The following GRK5 variants were observed in gnomAD, a reference collection of about 807,000 sequenced individuals.
GRK5 encodes g protein-coupled receptor kinase GRK5.
Under a neutral mutation model 78.4 loss-of-function variants are expected in GRK5, and 40 were observed. The ratio of observed to expected loss-of-function variants is 0.51; its 90% CI spans 0.40 to 0.66. The LOEUF (loss-of-function observed/expected upper bound fraction) is 0.66, where lower values mean the gene tolerates loss of function less well. GRK5 is among the 30% of genes least tolerant of loss of function. The pLI is 0.00. For missense variants in GRK5, 598 were observed against 759.9 expected (o/e 0.79, Z 2.50); for synonymous variants, 289 against 296.8 (o/e 0.97, Z 0.27).
At chr10:119,358,971 C>A (rs1467902778) in intron 2 of GRK5, among the ~76,000 whole-genome samples, 1 of 152,208 alleles carries the variant, frequency 6.6e-6, no homozygotes, top group Admixed American at 6.5e-5. Context: ...TAGGGCCCCA[C>A]CCTGAAGAAT....
rs1279637773 is a variant in GRK5, at chr10:119,340,241, C to T, written c.148+13630C>T. On this transcript the variant is annotated intron_variant, in intron 2 of 15. Coordinates refer to ENST00000392870, the MANE Select transcript of GRK5 (RefSeq NM_005308.3). ...TCCTGGGTTCAAATGATTCTCATGC[C>T]TCAGCCTCCCAAGTAGCTGGGATTA... Among the ~76,000 whole-genome samples the T allele has an allele frequency of 3.3e-5, 5 of 152,064 alleles. No homozygotes were observed. In the East Asian group the frequency reaches 9.7e-4, roughly 29 times the overall value.
intron 1 of GRK5, among the ~76,000 whole-genome samples, chr10:119,247,859 A>C (rs939217642): frequency 2.6e-5 from 4 of 152,148 alleles, no homozygotes; most frequent in Non-Finnish European, 4.4e-5. Context: ...TTCAAATTAT[A>C]GGGGCACATA....
At chr10:119,319,332 C>T (rs1850545525) in intron 1 of GRK5, among the ~76,000 whole-genome samples, 1 of 152,246 alleles carries the variant, frequency 6.6e-6, no homozygotes, top group Admixed American at 6.5e-5. Flanking sequence ...TCAGGGGACA[C>T]GCCATCTTGC....
rs755216316 is a variant in GRK5 at position 119,455,162 on chromosome 10, A to G, written c.*95A>G. 7.0e-6 allele frequency: 7 copies of G among 1,006,346 alleles called. No homozygotes were observed. The African/African-American group carries it at 9.5e-5, about 14-fold the overall frequency. 62.3% of individuals were successfully genotyped at this position (1,006,346 alleles called of 1,614,324 possible). On this transcript the variant is annotated 3_prime_UTR_variant, in exon 16 of 16. Transcript: ENST00000392870. ...GAGCCCCTGCTCTGGTGGGGCTGCCAGGGGAGACCCCGGGAGCCGGGGAAG... is the reference window on the plus strand; with the variant it reads ...GAGCCCCTGCTCTGGTGGGGCTGCCGGGGGAGACCCCGGGAGCCGGGGAAG...
chr10:119,401,642 G>A (rs1470922032), intron 4 of GRK5, among the ~76,000 whole-genome samples: 1 of 152,226 alleles, frequency 6.6e-6, no homozygotes, highest in African/African-American at 2.4e-5. Flanking sequence ...AGCAAGTACT[G>A]AGCATGGTAG....
Position 119,358,534 on chromosome 10 carries a change from T to C in GRK5, c.149-22281T>C, listed in dbSNP as rs1402135053. On this transcript the variant is annotated intron_variant, in intron 2 of 15. Transcript: ENST00000392870. ...GAGGCGTGCATGGTGCATTTCCATC[T>C]CCCAAATCATGGTCCTGTCTGTGCC... Among the ~76,000 whole-genome samples the C allele has an allele frequency of 2.0e-5, 3 of 152,172 alleles. No homozygotes were observed. The East Asian group carries it at 5.8e-4, about 29-fold the overall frequency.
intron 1 of GRK5, among the ~76,000 whole-genome samples, chr10:119,231,733 C>G (rs1316980325): frequency 6.8e-6 from 1 of 147,382 alleles, no homozygotes; most frequent in Non-Finnish European, 1.5e-5. Context: ...AGAAAAAAAA[C>G]TCAACATCAC....
intron 3 of GRK5, among the ~76,000 whole-genome samples, chr10:119,381,912 T>G (rs1479125934): frequency 6.6e-6 from 1 of 152,218 alleles, no homozygotes; most frequent in Non-Finnish European, 1.5e-5. Flanking sequence ...TGTGCATCTC[T>G]AGACCCACAA....
chr10:119,333,617 G>T (rs1850822348), intron 2 of GRK5: 2 of 377,592 alleles, frequency 5.3e-6, no homozygotes, highest in Non-Finnish European at 1.1e-5. Context: ...GTGTGGGCAG[G>T]GCCCCAGCCA....
intron 1 of GRK5, among the ~76,000 whole-genome samples, chr10:119,311,228 G>C (rs555702113): frequency 6.6e-6 from 1 of 152,294 alleles, no homozygotes; most frequent in Admixed American, 6.5e-5. Flanking sequence ...GAGATTGATG[G>C]AGCTTTTGCT....
intron 1 of GRK5, among the ~76,000 whole-genome samples, chr10:119,259,205 T>C (rs1432537263): frequency 2.6e-5 from 4 of 151,828 alleles, no homozygotes; most frequent in East Asian, 3.9e-4. Flanking sequence ...GCTGGGACTA[T>C]AGGCGCCCAC....
chr10:119,291,456 C>G (rs186201578), intron 1 of GRK5, among the ~76,000 whole-genome samples: 1 of 151,978 alleles, frequency 6.6e-6, no homozygotes, highest in East Asian at 1.9e-4. Context: ...CTGCCTCGGG[C>G]GCTGGTGGGT....
At chr10:119,286,847 C>T (rs1461063251) in intron 1 of GRK5, among the ~76,000 whole-genome samples, 1 of 152,148 alleles carries the variant, frequency 6.6e-6, no homozygotes, top group Non-Finnish European at 1.5e-5. Flanking sequence ...GGATCAAAGG[C>T]TCAGTGTGTA....
At chr10:119,273,590 C>T (rs1478079438) in intron 1 of GRK5, among the ~76,000 whole-genome samples, 1 of 152,198 alleles carries the variant, frequency 6.6e-6, no homozygotes, top group Non-Finnish European at 1.5e-5. Flanking sequence ...TGTGGATGGG[C>T]CGCGGCTTTG....
intron 1 of GRK5, among the ~76,000 whole-genome samples, chr10:119,292,343 C>G (rs61874516): frequency 0.12 from 18,658 of 151,812 alleles, 1,251 homozygotes; most frequent in African/African-American, 0.18. Flanking sequence ...TCCTCATCCT[C>G]CTTTCTTCCT....
intron 2 of GRK5, among the ~76,000 whole-genome samples, chr10:119,326,981 G>A (rs1850690464): frequency 6.6e-6 from 1 of 152,206 alleles, no homozygotes. Flanking sequence ...TGGTGGAGGT[G>A]GGCCAGGCCC....
intron 2 of GRK5, among the ~76,000 whole-genome samples, chr10:119,342,110 C>A (rs1166215347): frequency 6.6e-6 from 1 of 152,120 alleles, no homozygotes; most frequent in Non-Finnish European, 1.5e-5. Flanking sequence ...GGCACAGGCA[C>A]GGCTCTGCTA....
At chr10:119,233,291 T>C (rs1397196661) in intron 1 of GRK5, among the ~76,000 whole-genome samples, 1 of 152,222 alleles carries the variant, frequency 6.6e-6, no homozygotes, top group Non-Finnish European at 1.5e-5. Flanking sequence ...TGATGTCTCA[T>C]TGGTTCCATC....
At chr10:119,344,481 C>G (rs1851043294) in intron 2 of GRK5, among the ~76,000 whole-genome samples, 1 of 152,144 alleles carries the variant, frequency 6.6e-6, no homozygotes, top group South Asian at 2.1e-4. Context: ...TTTGTGACGC[C>G]CGGTCGCAGG....
Sources: allele counts gnomAD v4.1 joint callset (sites outside exome capture counted in the v4.1 genomes callset), GRCh38; gene constraint gnomAD v4.1.1; transcripts MANE v1.5; gene names NCBI Gene and HGNC (gene_info 2026-07-23, HGNC 2026-07-21).